NOD2: variants seen among roughly 807,000 people sequenced by gnomAD.
The protein encoded by NOD2 is nucleotide binding oligomerization domain containing 2.
NOD2 carries 86 observed loss-of-function variants against 90.9 expected under a neutral mutation model. The observed-to-expected ratio is 0.95, with a 90% CI of 0.79 to 1.13. NOD2 has a LOEUF of 1.13. NOD2 is among the 50% of genes most tolerant of loss of function. NOD2 has a pLI of 0.00. For synonymous variants in NOD2, 581 were observed against 554.6 expected (o/e 1.05, Z -0.67); for missense variants, 1,238 against 1,283.8 (o/e 0.96, Z 0.55).
At position 50,732,311 on chromosome 16, in the gene NOD2, C is replaced by T; in HGVS notation, c.*492C>T. On this transcript the variant is annotated 3_prime_UTR_variant, in exon 12 of 12. Coordinates refer to ENST00000647318, the MANE Select transcript of NOD2 (RefSeq NM_001370466.1). ...CATCCATCCAGGCCATTCCCCGTCT[C>T]TGGTTCCTCCCCTCCTCCTGGACTC... 5 of 189,666 alleles carry T rather than the reference C, an allele frequency of 2.6e-5. No individual in the cohort carries two copies. Among genetic ancestry groups the T allele is most frequent in the Admixed American group, 1.6e-4 (3 of 18,890 alleles). The allele number at this position is 189,666 out of a possible 1,614,324, so 11.7% of individuals were successfully genotyped here.
intron 10 of NOD2, among the ~76,000 whole-genome samples, chr16:50,727,236 T>C (rs1596912121): frequency 6.6e-6 from 1 of 152,184 alleles, no homozygotes; most frequent in South Asian, 2.1e-4. Flanking sequence ...GCTCCACCAT[T>C]ACCAGCCAGT....
At chr16:50,697,743 C>G in intron 1 of NOD2, 1 of 304,978 alleles carries the variant, frequency 3.3e-6, no homozygotes, top group Non-Finnish European at 6.5e-6. Context: ...GCCAGACACA[C>G]AAGTAACCTC....
chr16:50,709,033 T>G (rs1177229871), intron 3 of NOD2, among the ~76,000 whole-genome samples: 6 of 152,230 alleles, frequency 3.9e-5, no homozygotes, highest in African/African-American at 1.4e-4. Flanking sequence ...GTGTGTTTAT[T>G]TCTCTATAAA....
At chr16:50,704,576 C>T (rs558279669) in intron 2 of NOD2, among the ~76,000 whole-genome samples, 13 of 152,002 alleles carry the variant, frequency 8.6e-5, no homozygotes, top group Admixed American at 7.2e-4. Context: ...CTCTGTCACC[C>T]AGGCTGGAAT....
intron 1 of NOD2, among the ~76,000 whole-genome samples, chr16:50,694,443 TG>T (rs1963548795): frequency 6.6e-6 from 1 of 152,174 alleles, no homozygotes; most frequent in Non-Finnish European, 1.5e-5. Flanking sequence ...CACTCAGCCA[TG>T]GGGCTGCTGG....
chr16:50,732,186 AGAGGCCCG>A lies in NOD2; in HGVS notation c.*369_*376del. 2.6e-6 allele frequency: 1 copy of A among 381,038 alleles called. No homozygotes were observed. The highest frequency in any genetic ancestry group is 5.1e-6 in the Non-Finnish European group (1 of 197,850). The allele number at this position is 381,038 out of a possible 1,614,324, so 23.6% of individuals were successfully genotyped here. On this transcript the variant is annotated 3_prime_UTR_variant, in exon 12 of 12. Transcript: ENST00000647318. ...TTGTTAACTGAGTGCCTTTTGGTGG[AGAGGCCCG>A]GCCTCTCACAAAAGACCCCTTACCA...
At chr16:50,696,368 C>T (rs1344966088) in intron 1 of NOD2, 2 of 152,208 alleles carry the variant, frequency 1.3e-5, no homozygotes, top group African/African-American at 4.8e-5. Flanking sequence ...TCTACATGGG[C>T]CTCACCTTGG....
rs1228436231 is a variant in NOD2 at position 50,720,391 on chromosome 16, A to G, written c.2633+383A>G. On this transcript the variant is annotated intron_variant, in intron 7 of 11. Transcript: ENST00000647318. ...TATCTAGGTGCAAGGCCCAGGTATC[A>G]GGAGTTTTAAAAAGCTTCCCAGGGG... Among the ~76,000 whole-genome samples, 3 of 152,190 alleles carry G rather than the reference A, an allele frequency of 2.0e-5. No homozygotes were observed. In the East Asian group the frequency reaches 5.8e-4, roughly 29 times the overall value.
intron 11 of NOD2, among the ~76,000 whole-genome samples, chr16:50,730,112 A>C (rs982939301): frequency 8.5e-5 from 13 of 152,228 alleles, no homozygotes; most frequent in Non-Finnish European, 1.8e-4. Flanking sequence ...TTTCATTTTT[A>C]AACCTTGACT....
At chr16:50,705,385 ATGCT>A (rs1193871646) in intron 2 of NOD2, among the ~76,000 whole-genome samples, 1 of 152,068 alleles carries the variant, frequency 6.6e-6, no homozygotes, top group African/African-American at 2.4e-5. Flanking sequence ...CCCACATTAG[ATGCT>A]TTCTCTGGGC....
At chr16:50,701,269 A>C (rs894239005) in intron 2 of NOD2, among the ~76,000 whole-genome samples, 6 of 152,250 alleles carry the variant, frequency 3.9e-5, no homozygotes, top group Non-Finnish European at 7.3e-5. Context: ...ACATTTGTTG[A>C]TGAAATAAGT....
intron 1 of NOD2, 92 bp from the exon 2 acceptor site, chr16:50,699,396 G>A: frequency 1.9e-6 from 2 of 1,046,876 alleles, no homozygotes; most frequent in Non-Finnish European, 3.0e-6. Flanking sequence ...GCCAACTCGG[G>A]TTCTGCTGGG....
At chr16:50,712,568 G>A in intron 4 of NOD2, 195 bp downstream of exon 4, 2 of 685,016 alleles carry the variant, frequency 2.9e-6, no homozygotes, top group East Asian at 2.6e-5. Context: ...TTATTGACTG[G>A]CCTATGTGCT....
chr16:50,707,821 C>T (rs537087525), intron 2 of NOD2, 34 bp from the exon 3 acceptor site: 1 of 1,467,874 alleles, frequency 6.8e-7, no homozygotes, highest in Admixed American at 1.7e-5. Context: ...CATCAGCCTT[C>T]CTGGAAGAAT....
chr16:50,717,295 G>A (rs541802708), intron 6 of NOD2, among the ~76,000 whole-genome samples: 10 of 152,318 alleles, frequency 6.6e-5, no homozygotes, highest in East Asian at 1.9e-4. Flanking sequence ...TGTTGAGCTC[G>A]TCCTGGTGGG....
rs76078984 is a variant in NOD2, at chr16:50,699,242, A to G, written c.-8-246A>G. ...TTTAAGCCGGAGACCAAGCATGGAT[A>G]TGGGAGTTAGGGGTCTTGATTTAAT... On this transcript the variant is annotated intron_variant, in intron 1 of 11. Transcript: ENST00000647318. 6.1e-3 allele frequency among the ~76,000 whole-genome samples: 932 copies of G among 152,238 alleles called. 62 individuals carry two copies. The South Asian group carries it at 0.12, about 19-fold the overall frequency.
Position 50,699,368 on chromosome 16 carries a change from T to A in NOD2, c.-8-120T>A, listed in dbSNP as rs917569116. The A allele has an allele frequency of 8.8e-6, 7 of 796,378 alleles. No individual in the cohort carries two copies. The African/African-American group carries it at 1.0e-4, about 12-fold the overall frequency. 49.3% of individuals were successfully genotyped at this position (796,378 alleles called of 1,614,324 possible). ...GGTGGGGAGCTTGGATTGGGTAATGTCTGAGGCTAGAACCATGGCCAACTC... is the reference window on the plus strand; with the variant it reads ...GGTGGGGAGCTTGGATTGGGTAATGACTGAGGCTAGAACCATGGCCAACTC... On this transcript the variant is annotated intron_variant, in intron 1 of 11. Transcript: ENST00000647318.
rs186089527 is a variant in NOD2, at chr16:50,722,391, G to T, written c.2634-231G>T. ...TGGGTAGCCCTCTACTATTCTCTAA[G>T]TCTGTAATGTAAAGCCACTGAAAAC... On this transcript the variant is annotated intron_variant, in intron 7 of 11. Transcript: ENST00000647318. 9.3e-4 allele frequency among the ~76,000 whole-genome samples: 142 copies of T among 152,312 alleles called. 3 individuals are homozygous for T. Among genetic ancestry groups the T allele is most frequent in the Middle Eastern group, 3.4e-3 (1 of 294 alleles).
At chr16:50,706,699 T>C (rs1414381368) in intron 2 of NOD2, among the ~76,000 whole-genome samples, 1 of 116,350 alleles carries the variant, frequency 8.6e-6, no homozygotes, top group Non-Finnish European at 1.8e-5. Flanking sequence ...TATTTCTTTC[T>C]TTTTTTTTTT....
Sources: allele counts gnomAD v4.1 joint callset (sites outside exome capture counted in the v4.1 genomes callset), GRCh38; gene constraint gnomAD v4.1.1; transcripts MANE v1.5; gene names NCBI Gene and HGNC (gene_info 2026-07-23, HGNC 2026-07-21).